Variants in PSEN1 observed in about 807,000 individuals in gnomAD.
The protein encoded by PSEN1 is presenilin 1, also known as presenilin-1.
Under a neutral mutation model 53.5 loss-of-function variants are expected in PSEN1, and 15 were observed. The ratio of observed to expected loss-of-function variants is 0.28; its 90% CI spans 0.19 to 0.43. PSEN1 has a LOEUF of 0.43. Ranked by LOEUF, PSEN1 falls within the 20% of genes least tolerant of loss-of-function variation. The pLI is 1.00. For synonymous variants in PSEN1, 208 were observed against 209.8 expected, an observed-to-expected ratio of 0.99 and a Z score of 0.08; for missense variants, 387 against 571.2, an observed-to-expected ratio of 0.68 and a Z score of 3.29.
intron 5 of PSEN1, among the ~76,000 whole-genome samples, chr14:73,178,289 G>C (rs1410876771): frequency 7.4e-6 from 1 of 135,788 alleles, no homozygotes; most frequent in Non-Finnish European, 1.5e-5. Context: ...ATGTGATTTT[G>C]GCTCACTGCA....
At chr14:73,208,285 C>T (rs1899536851) in intron 9 of PSEN1, among the ~76,000 whole-genome samples, 1 of 152,204 alleles carries the variant, frequency 6.6e-6, no homozygotes, top group Non-Finnish European at 1.5e-5. Context: ...AAGTTCTTGT[C>T]CTGCATCCAG....
At chr14:73,151,878 T>TA (rs1897233725) in intron 3 of PSEN1, among the ~76,000 whole-genome samples, 1 of 56,908 alleles carries the variant, frequency 1.8e-5, no homozygotes, top group African/African-American at 9.1e-5. Flanking sequence ...CTAAAATATT[T>TA]TATATATATA....
Position 73,223,150 on chromosome 14 carries a change from G to A in PSEN1, c.*3861G>A, listed in dbSNP as rs777059591. 3.3e-5 allele frequency: 5 copies of A among 152,218 alleles called. No homozygotes were observed. Among genetic ancestry groups the A allele is most frequent in the African/African-American group, 1.2e-4 (5 of 41,452 alleles). The allele number at this position is 152,218 out of a possible 1,614,324, so 9.4% of individuals were successfully genotyped here. On this transcript the variant is annotated 3_prime_UTR_variant, in exon 12 of 12. Transcript: ENST00000324501. ...TCACAGCTCAGAGACATCTGCATGTGATCATCTGCATAGTCCTCTCCTCTA... is the reference window on the plus strand; with the variant it reads ...TCACAGCTCAGAGACATCTGCATGTAATCATCTGCATAGTCCTCTCCTCTA...
intron 8 of PSEN1, among the ~76,000 whole-genome samples, chr14:73,202,461 T>TAC (rs1899261070): frequency 5.2e-5 from 1 of 19,314 alleles, no homozygotes; most frequent in South Asian, 2.0e-3. Context: ...TATATATATA[T>TAC]ATTTTTTTTT....
At chr14:73,210,093 G>A (rs1427163306) in intron 9 of PSEN1, among the ~76,000 whole-genome samples, 1 of 152,166 alleles carries the variant, frequency 6.6e-6, no homozygotes, top group Admixed American at 6.5e-5. Context: ...TGGAACAAAA[G>A]GGCATAGGGC....
At chr14:73,184,852 G>GC (rs561787836) in intron 5 of PSEN1, among the ~76,000 whole-genome samples, 1,822 of 150,646 alleles carry the variant, frequency 0.012, 13 homozygotes, top group East Asian at 0.038. Flanking sequence ...TCCCAGACGG[G>GC]GCGGCTGCCG....
At chr14:73,167,168 A>G (rs899990396) in intron 3 of PSEN1, among the ~76,000 whole-genome samples, 6 of 152,066 alleles carry the variant, frequency 3.9e-5, no homozygotes, top group Admixed American at 1.3e-4. Flanking sequence ...TGATTATGCC[A>G]TGGTGGATAG....
intron 1 of PSEN1, among the ~76,000 whole-genome samples, chr14:73,144,924 G>A (rs1438621389): frequency 6.6e-6 from 1 of 151,974 alleles, no homozygotes; most frequent in East Asian, 1.9e-4. Flanking sequence ...ATGCAGTCTT[G>A]CTCTGTCACC....
intron 3 of PSEN1, among the ~76,000 whole-genome samples, chr14:73,166,374 A>G (rs1337232270): frequency 1.3e-5 from 2 of 152,156 alleles, no homozygotes; most frequent in Non-Finnish European, 2.9e-5. Context: ...TTTGATTCCT[A>G]CCTCTGCTGT....
chr14:73,219,041 A>C, intron 11 of PSEN1, 93 bp from the exon 12 acceptor site: 1 of 1,321,100 alleles, frequency 7.6e-7, no homozygotes. Flanking sequence ...TATTCAGTTA[A>C]CTATGTTAAA....
intron 7 of PSEN1, among the ~76,000 whole-genome samples, chr14:73,196,444 T>C (rs1335686036): frequency 6.7e-6 from 1 of 149,166 alleles, no homozygotes; most frequent in Admixed American, 6.7e-5. Flanking sequence ...TATTATTATA[T>C]GAAGAGACAT....
intron 6 of PSEN1, among the ~76,000 whole-genome samples, chr14:73,192,099 T>C (rs1185879143): frequency 1.3e-5 from 2 of 151,990 alleles, no homozygotes; most frequent in African/African-American, 4.8e-5. Flanking sequence ...AAGAAAAAGT[T>C]CAGCTTGGGA....
intron 1 of PSEN1, among the ~76,000 whole-genome samples, chr14:73,145,676 T>G (rs779723081): frequency 9.2e-5 from 14 of 152,216 alleles, no homozygotes; most frequent in Non-Finnish European, 1.5e-4. Flanking sequence ...GAAAGTGAAC[T>G]TGTATGGATA....
At chr14:73,145,633 C>T (rs1448487545) in intron 1 of PSEN1, among the ~76,000 whole-genome samples, 1 of 152,144 alleles carries the variant, frequency 6.6e-6, no homozygotes, top group Non-Finnish European at 1.5e-5. Flanking sequence ...AGCCACCGAG[C>T]CCGGCCTCAT....
Position 73,171,000 on chromosome 14 carries a change from G to A in PSEN1, c.291G>A (p.Val97=). Residue 97 remains valine, a synonymous_variant, in exon 4 of 12, where the codon GTG becomes GTA. Transcript: ENST00000324501. ...VPVTLCMVVV[V]ATIKSVSFYT... ...TGACTCTCTGCATGGTGGTGGTCGTGGCTACCATTAAGTCAGTCAGCTTTT... is the reference window on the plus strand; with the variant it reads ...TGACTCTCTGCATGGTGGTGGTCGTAGCTACCATTAAGTCAGTCAGCTTTT... 6.2e-7 allele frequency: 1 copy of A among 1,614,172 alleles called. No homozygotes were observed. Among genetic ancestry groups the A allele is most frequent in the Non-Finnish European group, 8.5e-7 (1 of 1,180,044 alleles).
At position 73,202,418 on chromosome 14, in the gene PSEN1, C is replaced by CCATATA. The variant is rs1196615910; in HGVS notation, c.869-3968_869-3967insCATATA. Among the ~76,000 whole-genome samples the CCATATA allele has an allele frequency of 2.2e-4, 6 of 27,210 alleles. 1 individual carries two copies. Among genetic ancestry groups the CCATATA allele is most frequent in the Non-Finnish European group, 5.9e-5 (1 of 17,018 alleles). 17.9% of individuals were successfully genotyped at this position (27,210 alleles called of 152,430 possible). On this transcript the variant is annotated intron_variant, in intron 8 of 11. Coordinates refer to ENST00000324501, the MANE Select transcript of PSEN1 (RefSeq NM_000021.4). ...TCTGTTTTAAAATATCTATCACATA[C>CCATATA]TATATATATATATATATATATATAT...
intron 7 of PSEN1, 120 bp downstream of exon 7, chr14:73,192,984 G>C: frequency 1.2e-6 from 1 of 813,374 alleles, no homozygotes. Flanking sequence ...TAACTCTTCA[G>C]TAAATCATTA....
At chr14:73,200,832 C>T (rs753790723) in intron 8 of PSEN1, among the ~76,000 whole-genome samples, 5 of 152,020 alleles carry the variant, frequency 3.3e-5, no homozygotes, top group Non-Finnish European at 7.4e-5. Context: ...GGGCGGATCA[C>T]TTGAGGTCAG....
chr14:73,151,900 T>G (rs1423743794), intron 3 of PSEN1, among the ~76,000 whole-genome samples: 1 of 36,552 alleles, frequency 2.7e-5, no homozygotes, highest in Non-Finnish European at 4.4e-5. Flanking sequence ...ATATATTTTT[T>G]TTTTTTTTTT....
Sources: allele counts gnomAD v4.1 joint callset (sites outside exome capture counted in the v4.1 genomes callset), GRCh38; gene constraint gnomAD v4.1.1; transcripts MANE v1.5; gene names NCBI Gene and HGNC (gene_info 2026-07-23, HGNC 2026-07-21).